OSBPL1A: variants seen among roughly 807,000 people sequenced by gnomAD.
OSBPL1A encodes oxysterol binding protein like 1A.
Under a neutral mutation model 137.1 loss-of-function variants are expected in OSBPL1A, and 80 were observed. That is an observed-to-expected ratio of 0.58 (90% CI 0.49 to 0.70). The LOEUF is 0.70. OSBPL1A is among the 30% of genes least tolerant of loss of function. The pLI, the probability that OSBPL1A is intolerant of heterozygous loss-of-function variation, is 0.00. For synonymous variants in OSBPL1A, 365 were observed against 389.7 expected, an observed-to-expected ratio of 0.94 and a Z score of 0.75; for missense variants, 970 against 1,129.4, an observed-to-expected ratio of 0.86 and a Z score of 2.02.
intron 4 of OSBPL1A, among the ~76,000 whole-genome samples, chr18:24,362,301 T>C (rs1461919300): frequency 1.3e-5 from 2 of 152,166 alleles, no homozygotes; most frequent in Admixed American, 6.5e-5. Context: ...CTGCAGCTCA[T>C]ATTTGAAACC....
intron 27 of OSBPL1A, 102 bp downstream of exon 27, chr18:24,164,963 A>G (rs1204233438): frequency 8.6e-7 from 1 of 1,166,772 alleles, no homozygotes; most frequent in Non-Finnish European, 1.2e-6. Context: ...TTTGTGTTAG[A>G]TAGGCCCTTG....
intron 4 of OSBPL1A, among the ~76,000 whole-genome samples, chr18:24,349,644 TGTGA>T (rs2091403796): frequency 1.3e-5 from 2 of 150,072 alleles, no homozygotes; most frequent in African/African-American, 2.5e-5. Flanking sequence ...AGATGAGAAG[TGTGA>T]GTAAGTCCAG....
intron 4 of OSBPL1A, chr18:24,366,598 A>ATT (rs74271368): frequency 1.3e-4 from 31 of 240,302 alleles, no homozygotes; most frequent in African/African-American, 7.0e-4. Context: ...CAATGAAGCT[A>ATT]TTTTTTTTTT....
intron 1 of OSBPL1A, among the ~76,000 whole-genome samples, chr18:24,392,881 T>C (rs1907455549): frequency 6.6e-6 from 1 of 152,002 alleles, no homozygotes; most frequent in Admixed American, 6.6e-5. Context: ...TATAGAGATG[T>C]GGTCTGGCTA....
At chr18:24,375,558 G>A (rs1042797148) in intron 2 of OSBPL1A, among the ~76,000 whole-genome samples, 17 of 151,900 alleles carry the variant, frequency 1.1e-4, no homozygotes, top group African/African-American at 3.6e-4. Context: ...CTTCTCTATC[G>A]TCACCTGGTT....
At chr18:24,261,889 CA>C (rs924093397) in intron 15 of OSBPL1A, among the ~76,000 whole-genome samples, 34 of 151,974 alleles carry the variant, frequency 2.2e-4, no homozygotes, top group Admixed American at 2.2e-3. Context: ...AGGTGTTTTT[CA>C]AAGAAAAATA....
intron 14 of OSBPL1A, among the ~76,000 whole-genome samples, chr18:24,288,764 C>CAA (rs10627986): frequency 0.02 from 2,538 of 127,038 alleles, 94 homozygotes; most frequent in African/African-American, 0.055. Context: ...AAGACTGTCT[C>CAA]AAAAAAAAAA....
chr18:24,202,199 C>T (rs772787953), intron 17 of OSBPL1A, among the ~76,000 whole-genome samples: 4 of 152,196 alleles, frequency 2.6e-5, no homozygotes, highest in Non-Finnish European at 4.4e-5. Flanking sequence ...CTTGCTACCA[C>T]CCAGCTGCGT....
intron 4 of OSBPL1A, among the ~76,000 whole-genome samples, chr18:24,349,295 A>T (rs1288788141): frequency 1.3e-5 from 2 of 152,170 alleles, no homozygotes; most frequent in Admixed American, 6.5e-5. Context: ...AAGGAGAAAG[A>T]TCTAGACAGA....
At chr18:24,349,236 A>G (rs1199277148) in intron 4 of OSBPL1A, among the ~76,000 whole-genome samples, 11 of 152,208 alleles carry the variant, frequency 7.2e-5, no homozygotes, top group Admixed American at 7.2e-4. Context: ...AATATTAAAT[A>G]TGAATCAATA....
At chr18:24,270,529 G>A (rs2089692528) in intron 15 of OSBPL1A, among the ~76,000 whole-genome samples, 1 of 152,138 alleles carries the variant, frequency 6.6e-6, no homozygotes, top group Non-Finnish European at 1.5e-5. Flanking sequence ...GCTGATACAA[G>A]TTCCTTTAAA....
In OSBPL1A at chr18:24,197,059, A is replaced by C. The variant is rs184441664; in HGVS notation, c.1602-859T>G. On this transcript the variant is annotated intron_variant, in intron 17 of 27. Coordinates refer to ENST00000319481, the MANE Select transcript of OSBPL1A (RefSeq NM_080597.4). ...CAGAACACTATTATGAAAGTTTTCC[A>C]GTTGCTGGCCGGGTGTGGTGGTTCA... Among the ~76,000 whole-genome samples, 65 of 152,318 alleles carry C rather than the reference A, an allele frequency of 4.3e-4. No homozygotes were observed. In the East Asian group the frequency reaches 0.011, roughly 26 times the overall value.
chr18:24,267,680 T>C (rs1288826386), intron 15 of OSBPL1A, among the ~76,000 whole-genome samples: 1 of 152,084 alleles, frequency 6.6e-6, no homozygotes, highest in Non-Finnish European at 1.5e-5. Flanking sequence ...AAAAAAACCA[T>C]ACAACCCTTT....
At chr18:24,383,700 G>A (rs1176514669) in intron 1 of OSBPL1A, among the ~76,000 whole-genome samples, 1 of 152,220 alleles carries the variant, frequency 6.6e-6, no homozygotes, top group African/African-American at 2.4e-5. Context: ...GTTGCAATGA[G>A]CTGAGATCGT....
chr18:24,362,412 T>C (rs1442531608), intron 4 of OSBPL1A, among the ~76,000 whole-genome samples: 3 of 152,220 alleles, frequency 2.0e-5, no homozygotes, highest in African/African-American at 7.2e-5. Context: ...GGTTCACAAG[T>C]ATCAATTTAT....
At chr18:24,384,828 C>T (rs1008864643) in intron 1 of OSBPL1A, among the ~76,000 whole-genome samples, 1 of 149,186 alleles carries the variant, frequency 6.7e-6, no homozygotes, top group African/African-American at 2.5e-5. Flanking sequence ...GAGCCGAGAA[C>T]GCGCCATTGC....
intron 4 of OSBPL1A, among the ~76,000 whole-genome samples, chr18:24,361,941 G>C: frequency 7.0e-6 from 1 of 143,824 alleles, no homozygotes; most frequent in South Asian, 2.3e-4. Context: ...AGATTGCAGT[G>C]AAGTGAGATC....
chr18:24,387,967 A>G (rs1283384894), intron 1 of OSBPL1A, among the ~76,000 whole-genome samples: 3 of 152,118 alleles, frequency 2.0e-5, no homozygotes, highest in African/African-American at 7.2e-5. Context: ...TCGATAGCCA[A>G]TGACTTGAAG....
At chr18:24,280,796 C>A in intron 15 of OSBPL1A, 46 bp downstream of exon 15, 1 of 1,359,588 alleles carries the variant, frequency 7.4e-7, no homozygotes, top group Non-Finnish European at 1.0e-6. Context: ...ACCACGCATG[C>A]AACATCCAAA....
Sources: allele counts gnomAD v4.1 joint callset (sites outside exome capture counted in the v4.1 genomes callset), GRCh38; gene constraint gnomAD v4.1.1; transcripts MANE v1.5; gene names NCBI Gene and HGNC (gene_info 2026-07-23, HGNC 2026-07-21).